The following PVT1 variants were observed in gnomAD, a reference collection of about 807,000 sequenced individuals.
PVT1 encodes the protein CXCR4/PVT1 fusion.
At chr8:127,926,182 C>A (rs1237462320) in intron 3 of PVT1, among the ~76,000 whole-genome samples, 2 of 152,190 alleles carry the variant, frequency 1.3e-5, no homozygotes, top group Admixed American at 6.5e-5. Flanking sequence ...ATGTTTCCAG[C>A]ACCCATTTGA....
chr8:128,021,611 A>G (rs750088803), intron 4 of PVT1, among the ~76,000 whole-genome samples: 1 of 151,906 alleles, frequency 6.6e-6, no homozygotes, highest in Non-Finnish European at 1.5e-5. Context: ...CCATCTTTAT[A>G]CTCAGTATAA....
chr8:127,928,353 G>A (rs572808377), intron 3 of PVT1, among the ~76,000 whole-genome samples: 4 of 152,262 alleles, frequency 2.6e-5, no homozygotes, highest in Admixed American at 2.6e-4. Flanking sequence ...TCTTGGCTGT[G>A]AATTTCCACT....
chr8:127,973,897 G>C (rs1305195398), intron 3 of PVT1, among the ~76,000 whole-genome samples: 2 of 151,668 alleles, frequency 1.3e-5, no homozygotes, highest in African/African-American at 4.8e-5. Flanking sequence ...GGAGAATGGC[G>C]TGAACCCGGG....
intron 4 of PVT1, among the ~76,000 whole-genome samples, chr8:128,002,095 T>C (rs1031935642): frequency 6.6e-6 from 1 of 152,214 alleles, no homozygotes; most frequent in Non-Finnish European, 1.5e-5. Context: ...TGCCAGAACG[T>C]TATGTTTCTG....
At position 127,823,818 on chromosome 8, in the gene PVT1, C is replaced by T. The variant is rs529615009; in HGVS notation, n.372+27747C>T. On this transcript the variant is annotated intron_variant and non_coding_transcript_variant, in intron 2 of 10. Transcript: ENST00000651587. ...AGAGGCTTGTCAATGGCCTTCACTG[C>T]CCGTCGAAGCAGTCGGCTTTGATCA... Among the ~76,000 whole-genome samples, 4 of 152,354 alleles carry T rather than the reference C, an allele frequency of 2.6e-5. No homozygotes were observed. In the East Asian group the frequency reaches 7.7e-4, roughly 29 times the overall value.
At chr8:128,101,056 G>C (rs1814497397) in intron 6 of PVT1, 1 of 152,008 alleles carries the variant, frequency 6.6e-6, no homozygotes, top group South Asian at 2.1e-4. Context: ...CCCAACAGGA[G>C]GACAGCTTCA....
At chr8:128,081,370 G>A (rs770956403) in intron 5 of PVT1, among the ~76,000 whole-genome samples, 1 of 152,158 alleles carries the variant, frequency 6.6e-6, no homozygotes, top group Non-Finnish European at 1.5e-5. Flanking sequence ...ATAGGTTTTT[G>A]TGGGAAGAGG....
Position 127,855,590 on chromosome 8 carries a change from G to A in PVT1, n.373-34999G>A, listed in dbSNP as rs544854975. 2.0e-5 allele frequency among the ~76,000 whole-genome samples: 3 copies of A among 152,150 alleles called. No individual in the cohort carries two copies. The South Asian group carries it at 6.2e-4, about 32-fold the overall frequency. On this transcript the variant is annotated intron_variant and non_coding_transcript_variant, in intron 2 of 10. Coordinates refer to ENST00000651587, the Ensembl canonical transcript of PVT1. The stretch of plus-strand genomic sequence containing the variant: ...CGGGAAGGGAGACAAGTGGGTGAGG[G>A]GATTGGAATCTGCATTCATAACACA...
chr8:127,881,880 T>G (rs982106157), intron 2 of PVT1, among the ~76,000 whole-genome samples: 1 of 152,140 alleles, frequency 6.6e-6, no homozygotes, highest in Non-Finnish European at 1.5e-5. Flanking sequence ...TAGCTGGGAC[T>G]ACAGGTGCGC....
intron 3 of PVT1, among the ~76,000 whole-genome samples, chr8:127,955,836 C>T (rs569523700): frequency 3.9e-5 from 6 of 152,312 alleles, no homozygotes; most frequent in East Asian, 1.9e-4. Flanking sequence ...CTGCCCGCCT[C>T]GGCCTCCCAA....
intron 3 of PVT1, among the ~76,000 whole-genome samples, chr8:127,944,902 C>G (rs1007967596): frequency 6.6e-6 from 1 of 152,204 alleles, no homozygotes; most frequent in African/African-American, 2.4e-5. Flanking sequence ...TCCCCGTGCT[C>G]ATGGCTGAGG....
chr8:127,868,773 A>ACATATATATATACG, intron 2 of PVT1, among the ~76,000 whole-genome samples: 3 of 115,144 alleles, frequency 2.6e-5, no homozygotes, highest in African/African-American at 1.1e-4. Context: ...CTTTTAACAT[A>ACATATATATATACG]TATATATATA....
At chr8:128,044,712 A>C (rs1294918948) in intron 4 of PVT1, among the ~76,000 whole-genome samples, 1 of 152,246 alleles carries the variant, frequency 6.6e-6, no homozygotes, top group African/African-American at 2.4e-5. Context: ...GAGATGTTCA[A>C]TATAAAATAC....
chr8:127,801,498 C>G (rs1011347525), intron 2 of PVT1, among the ~76,000 whole-genome samples: 1 of 152,178 alleles, frequency 6.6e-6, no homozygotes, highest in African/African-American at 2.4e-5. Flanking sequence ...ACCTCAGCCT[C>G]CCAAAGTGTT....
intron 4 of PVT1, among the ~76,000 whole-genome samples, chr8:128,030,681 T>G (rs1813377385): frequency 6.6e-6 from 1 of 152,174 alleles, no homozygotes; most frequent in South Asian, 2.1e-4. Context: ...TACTGTCATC[T>G]CCCCAGCATC....
chr8:128,008,892 T>C (rs762391638), intron 4 of PVT1: 4 of 518,056 alleles, frequency 7.7e-6, no homozygotes, highest in Non-Finnish European at 1.6e-5. Context: ...CATGCTTTTT[T>C]CATATCAGTG....
intron 3 of PVT1, chr8:127,932,618 A>G (rs1262753535): frequency 2.5e-5 from 10 of 398,356 alleles, no homozygotes; most frequent in Admixed American, 1.3e-4. Flanking sequence ...GTTCGTAGAC[A>G]TGGTACCTGA....
chr8:128,013,752 G>A (rs181537644), intron 4 of PVT1, among the ~76,000 whole-genome samples: 12 of 152,268 alleles, frequency 7.9e-5, no homozygotes, highest in African/African-American at 2.6e-4. Flanking sequence ...AGTGTCCTGG[G>A]ACTTACTGTG....
chr8:127,962,038 G>A (rs1444257824), intron 3 of PVT1, among the ~76,000 whole-genome samples: 4 of 152,214 alleles, frequency 2.6e-5, no homozygotes, highest in East Asian at 1.9e-4. Flanking sequence ...GCAGTGGCGC[G>A]ATCTCGCCTC....
Sources: gnomAD v4.1 joint callset for allele counts (sites outside exome capture counted in the v4.1 genomes callset) on GRCh38, gnomAD v4.1.1 for gene constraint, MANE v1.5 for transcripts, NCBI Gene and HGNC (gene_info 2026-07-23, HGNC 2026-07-21) for gene names.